The following GPR89B variants were observed in gnomAD, a reference collection of about 807,000 sequenced individuals.
The protein encoded by GPR89B is G protein-coupled receptor 89B.
GPR89B carries 25 observed loss-of-function variants against 52.4 expected under a neutral mutation model. That is an observed-to-expected ratio of 0.48 (90% CI 0.35 to 0.67). The LOEUF (loss-of-function observed/expected upper bound fraction) is 0.67. GPR89B is among the 30% of genes least tolerant of loss of function. GPR89B has a pLI of 0.01. For synonymous variants in GPR89B, 52 were observed against 151.2 expected, an observed-to-expected ratio of 0.34 and a Z score of 4.81; for missense variants, 146 against 450.2, an observed-to-expected ratio of 0.32 and a Z score of 6.11.
At chr1:147,957,844 C>T (rs1656233877) in intron 7 of GPR89B, among the ~76,000 whole-genome samples, 1 of 152,022 alleles carries the variant, frequency 6.6e-6, no homozygotes. Flanking sequence ...TCGGGCAGAT[C>T]ACAAGGTCAG....
chr1:148,010,273 A>G, the GPR89B span: 1 of 151,574 alleles, frequency 6.6e-6, no homozygotes, highest in Non-Finnish European at 1.5e-5. Flanking sequence ...AGATCTCTGT[A>G]AGACACAAAA....
intron 10 of GPR89B, among the ~76,000 whole-genome samples, chr1:147,976,890 A>G (rs1244468917): frequency 2.6e-5 from 4 of 151,672 alleles, no homozygotes; most frequent in Admixed American, 1.3e-4. Context: ...TCCTTCACTT[A>G]TGAAGCTTAG....
intron 7 of GPR89B, among the ~76,000 whole-genome samples, chr1:147,956,509 G>A (rs1452104090): frequency 6.6e-6 from 1 of 151,848 alleles, no homozygotes; most frequent in Non-Finnish European, 1.5e-5. Flanking sequence ...CAATACTAAT[G>A]TTCAATGAAC....
chr1:147,931,622 G>T (rs1553247013), intron 1 of GPR89B, among the ~76,000 whole-genome samples: 1 of 147,082 alleles, frequency 6.8e-6, no homozygotes. Flanking sequence ...TTTTAGATTT[G>T]GTACTTGTGC....
At chr1:147,976,143 A>C (rs1318340046) in intron 10 of GPR89B, among the ~76,000 whole-genome samples, 16 of 152,182 alleles carry the variant, frequency 1.1e-4, no homozygotes, top group Non-Finnish European at 4.4e-5. Flanking sequence ...TTTTGGGTAG[A>C]GAGTTCTGTA....
chr1:147,960,086 A>C (rs1427947539), intron 7 of GPR89B, among the ~76,000 whole-genome samples: 64 of 150,506 alleles, frequency 4.3e-4, no homozygotes, highest in African/African-American at 1.4e-3. Context: ...TAGGCTAAAA[A>C]GGAGAAGCTA....
intron 10 of GPR89B, among the ~76,000 whole-genome samples, chr1:147,982,819 C>T (rs1469453336): frequency 6.6e-6 from 1 of 151,730 alleles, no homozygotes; most frequent in Non-Finnish European, 1.5e-5. Context: ...TCTTTTATTT[C>T]ATTGAGCAGT....
At chr1:147,931,625 A>T (rs587751987) in intron 1 of GPR89B, among the ~76,000 whole-genome samples, 1 of 146,076 alleles carries the variant, frequency 6.8e-6, no homozygotes, top group Non-Finnish European at 1.5e-5. Flanking sequence ...TAGATTTGGT[A>T]CTTGTGCTGG....
chr1:147,995,196 A>G (rs1273990109), downstream of GPR89B, among the ~76,000 whole-genome samples: 13 of 151,066 alleles, frequency 8.6e-5, no homozygotes, highest in Admixed American at 3.3e-4. Context: ...CCTGATAACA[A>G]TCCTACAAAT....
At chr1:148,009,896 G>C in the GPR89B span, among the ~76,000 whole-genome samples, 1 of 152,116 alleles carries the variant, frequency 6.6e-6, no homozygotes, top group African/African-American at 2.4e-5. Context: ...AGGTATGTAA[G>C]CTCGGGAGGG....
intron 10 of GPR89B, among the ~76,000 whole-genome samples, chr1:147,985,947 T>C (rs1313841302): frequency 1.3e-5 from 2 of 152,344 alleles, no homozygotes; most frequent in Non-Finnish European, 2.9e-5. Context: ...AATTAAGGCA[T>C]AATGCCGTAG....
chr1:147,935,675 C>A (rs1232879547), intron 1 of GPR89B, among the ~76,000 whole-genome samples: 2 of 152,148 alleles, frequency 1.3e-5, no homozygotes, highest in African/African-American at 4.8e-5. Flanking sequence ...AGGCTTTCTA[C>A]TACTCCTCTA....
the GPR89B span, among the ~76,000 whole-genome samples, chr1:148,022,459 AC>A: frequency 6.6e-6 from 1 of 151,772 alleles, no homozygotes; most frequent in South Asian, 2.1e-4. Flanking sequence ...ATAGATAGAG[AC>A]CTATTTAGTG....
chr1:147,950,342 C>T (rs1469423999), intron 5 of GPR89B, among the ~76,000 whole-genome samples: 6 of 150,598 alleles, frequency 4.0e-5, no homozygotes, highest in East Asian at 2.0e-4. Flanking sequence ...GATGGGCGGC[C>T]GGGCAGAGAC....
chr1:147,962,435 A>AAAAAG (rs1419092893), intron 7 of GPR89B, among the ~76,000 whole-genome samples: 1 of 151,254 alleles, frequency 6.6e-6, no homozygotes, highest in Non-Finnish European at 1.5e-5. Flanking sequence ...AAAAAAAAAA[A>AAAAAG]AAAAGAAAAG....
intron 10 of GPR89B, among the ~76,000 whole-genome samples, chr1:147,977,112 T>C (rs1376663379): frequency 6.6e-6 from 1 of 151,196 alleles, no homozygotes; most frequent in Non-Finnish European, 1.5e-5. Context: ...CAGGCGCCTA[T>C]AGTCCTAGCT....
intron 7 of GPR89B, among the ~76,000 whole-genome samples, chr1:147,961,974 AAAGGCAAAAT>A (rs1571277566): frequency 6.6e-6 from 1 of 151,944 alleles, no homozygotes; most frequent in Non-Finnish European, 1.5e-5. Flanking sequence ...ATTTGTACAG[AAAGGCAAAAT>A]AACTAGAATA....
intron 12 of GPR89B, among the ~76,000 whole-genome samples, chr1:147,990,651 T>C (rs1658996537): frequency 1.3e-5 from 2 of 152,192 alleles, no homozygotes; most frequent in Non-Finnish European, 2.9e-5. Flanking sequence ...GGATCCAGTT[T>C]CAGCTTTCTA....
intron 5 of GPR89B, among the ~76,000 whole-genome samples, chr1:147,950,141 G>T (rs1553250738): frequency 6.7e-6 from 1 of 149,794 alleles, no homozygotes; most frequent in Non-Finnish European, 1.5e-5. Flanking sequence ...CCCAGACGGG[G>T]TGGCTGCCGG....
Sources: gnomAD v4.1 joint callset for allele counts (sites outside exome capture counted in the v4.1 genomes callset) on GRCh38, gnomAD v4.1.1 for gene constraint, MANE v1.5 for transcripts, NCBI Gene and HGNC (gene_info 2026-07-23, HGNC 2026-07-21) for gene names.